The following SBK1 variants were observed in gnomAD, a reference collection of about 807,000 sequenced individuals.
The protein encoded by SBK1 is SH3 domain binding kinase 1, also known as serine/threonine-protein kinase SBK1.
In SBK1, 11 loss-of-function variants were observed where a neutral mutation model predicts 24.4. The observed-to-expected ratio is 0.45, with a 90% CI of 0.28 to 0.75. SBK1 has a LOEUF of 0.75. SBK1 is among the 30% of genes least tolerant of loss of function. The pLI, the probability that SBK1 is intolerant of heterozygous loss-of-function variation, is 0.12. For missense variants in SBK1, 467 were observed against 620.5 expected (o/e 0.75, Z 2.63); for synonymous variants, 308 against 284.4 (o/e 1.08, Z -0.83).
Position 28,322,935 on chromosome 16 carries a change from T to A in SBK1, c.*2014T>A, listed in dbSNP as rs878991996. 7 of 14,008 alleles carry A rather than the reference T, an allele frequency of 5.0e-4. 1 individual carries two copies. Among genetic ancestry groups the A allele is most frequent in the South Asian group, 3.8e-3 (1 of 260 alleles). The allele number at this position is 14,008 out of a possible 1,614,324, so 0.9% of individuals were successfully genotyped here. On this transcript the variant is annotated 3_prime_UTR_variant, in exon 4 of 4. Coordinates refer to ENST00000341901, the MANE Select transcript of SBK1 (RefSeq NM_001024401.3). The stretch of plus-strand genomic sequence containing the variant: ...CTCGCGCGCGCTCTCTCTCTCCCTC[T>A]CTCTCTCTCTCTCTCTCTCTCTCTC...
chr16:28,279,348 A>G (rs935693616), intron 1 of SBK1, among the ~76,000 whole-genome samples: 7 of 143,262 alleles, frequency 4.9e-5, no homozygotes, highest in Admixed American at 2.8e-4. Context: ...GCAGTGAGGT[A>G]TGATTGCACC....
chr16:28,263,074 C>T (rs1051790768), intron 1 of SBK1, among the ~76,000 whole-genome samples: 2 of 152,170 alleles, frequency 1.3e-5, no homozygotes, highest in African/African-American at 4.8e-5. Flanking sequence ...TTTACTTCTG[C>T]CCACATGCAT....
At chr16:28,309,900 G>A (rs760575719) in intron 1 of SBK1, among the ~76,000 whole-genome samples, 12 of 152,176 alleles carry the variant, frequency 7.9e-5, no homozygotes, top group East Asian at 3.8e-4. Context: ...TTGTGCATCC[G>A]TGTGTGTGTT....
chr16:28,273,884 G>A (rs906825526), intron 1 of SBK1, among the ~76,000 whole-genome samples: 2 of 152,204 alleles, frequency 1.3e-5, no homozygotes, highest in Non-Finnish European at 2.9e-5. Flanking sequence ...GGAACATTCA[G>A]TGATAAAATG....
At chr16:28,282,455 C>T (rs570117292) in intron 1 of SBK1, among the ~76,000 whole-genome samples, 1 of 152,132 alleles carries the variant, frequency 6.6e-6, no homozygotes, top group African/African-American at 2.4e-5. Context: ...GGGAAGCCCC[C>T]GAACTTTGTG....
chr16:28,296,394 C>T (rs1421986356), intron 1 of SBK1, among the ~76,000 whole-genome samples: 1 of 151,976 alleles, frequency 6.6e-6, no homozygotes, highest in African/African-American at 2.4e-5. Flanking sequence ...CACCCGGCCA[C>T]ACCCAACTAA....
At chr16:28,269,042 T>C (rs928730392) in intron 1 of SBK1, among the ~76,000 whole-genome samples, 2 of 150,566 alleles carry the variant, frequency 1.3e-5, no homozygotes, top group South Asian at 2.1e-4. Flanking sequence ...CTTTTTTTTT[T>C]TTTTTTTTTG....
intron 1 of SBK1, among the ~76,000 whole-genome samples, chr16:28,282,626 G>GTGAATGAATGAATGAA (rs774095552): frequency 0.26 from 39,428 of 149,908 alleles, 5,449 homozygotes; most frequent in African/African-American, 0.32. Flanking sequence ...GGGAACAAGT[G>GTGAATGAATGAATGAA]TGAATGAATG....
intron 1 of SBK1, among the ~76,000 whole-genome samples, chr16:28,268,423 G>GTTT (rs561869982): frequency 2.1e-5 from 3 of 139,934 alleles, no homozygotes; most frequent in African/African-American, 7.9e-5. Context: ...TTAAAAATGG[G>GTTT]TTTTTTTTTT....
At chr16:28,280,133 A>ATGTG (rs1278069078) in intron 1 of SBK1, among the ~76,000 whole-genome samples, 1 of 60,642 alleles carries the variant, frequency 1.6e-5, no homozygotes, top group Admixed American at 2.1e-4. Context: ...ATATATATAT[A>ATGTG]TATATATATA....
In SBK1 at chr16:28,272,619, C is replaced by CTTTTTTTTTTTTT. The variant is rs71140961; in HGVS notation, c.257+13125_257+13137dup. 9.5e-4 allele frequency among the ~76,000 whole-genome samples: 101 copies of CTTTTTTTTTTTTT among 105,974 alleles called. 1 individual carries two copies. The highest frequency in any genetic ancestry group is 1.5e-3 in the Non-Finnish European group (78 of 52,392). 69.5% of individuals were successfully genotyped at this position (105,974 alleles called of 152,430 possible). A position where few individuals can be genotyped will look rare whatever the true frequency, so the allele number is the denominator to read the frequency against. ...ATTTTTTTTCTTTCTTTCTTTCTTT[C>CTTTTTTTTTTTTT]TTTTTTTTTTTTTTTTTTTTGAGAC... On this transcript the variant is annotated intron_variant, in intron 1 of 3. Transcript: ENST00000671413.
intron 1 of SBK1, among the ~76,000 whole-genome samples, chr16:28,260,868 C>T (rs1022716348): frequency 1.3e-5 from 2 of 152,160 alleles, no homozygotes; most frequent in African/African-American, 4.8e-5. Context: ...AAACAGACCA[C>T]CTCTGCCCAC....
chr16:28,282,924 T>C (rs943515073), intron 1 of SBK1, among the ~76,000 whole-genome samples: 3 of 151,802 alleles, frequency 2.0e-5, no homozygotes, highest in Admixed American at 6.6e-5. Context: ...TATTTATTTA[T>C]TTATTTGTTT....
chr16:28,298,028 C>G (rs1240725702), intron 1 of SBK1, among the ~76,000 whole-genome samples: 2 of 152,180 alleles, frequency 1.3e-5, no homozygotes, highest in Non-Finnish European at 2.9e-5. Context: ...CGCCTGCTGC[C>G]TTCTGCTGGA....
chr16:28,288,496 G>A (rs763511903), upstream of SBK1, among the ~76,000 whole-genome samples: 14 of 152,130 alleles, frequency 9.2e-5, no homozygotes, highest in African/African-American at 2.4e-4. Context: ...TAGAGCCCCC[G>A]CCTCCTTGCT....
chr16:28,275,230 T>A (rs965058235), intron 1 of SBK1, among the ~76,000 whole-genome samples: 5 of 151,998 alleles, frequency 3.3e-5, no homozygotes, highest in Admixed American at 2.0e-4. Context: ...CACAGGAGGC[T>A]GAGGCGGGAG....
chr16:28,311,518 C>T (rs1028871223), intron 1 of SBK1, among the ~76,000 whole-genome samples: 1 of 151,788 alleles, frequency 6.6e-6, no homozygotes, highest in Non-Finnish European at 1.5e-5. Flanking sequence ...GGCAACATAG[C>T]GAGACCCCAT....
intron 1 of SBK1, among the ~76,000 whole-genome samples, chr16:28,281,872 G>A (rs2044535067): frequency 6.6e-6 from 1 of 152,164 alleles, no homozygotes; most frequent in African/African-American, 2.4e-5. Flanking sequence ...GCTCTGGGGG[G>A]TGGCACAAAT....
At chr16:28,296,555 A>G (rs148083153) in intron 1 of SBK1, among the ~76,000 whole-genome samples, 3,465 of 152,164 alleles carry the variant, frequency 0.023, 55 homozygotes, top group African/African-American at 0.028. Context: ...TCGGTGGGCA[A>G]CCTTCGTCTG....
Sources: allele counts gnomAD v4.1 joint callset (sites outside exome capture counted in the v4.1 genomes callset), GRCh38; gene constraint gnomAD v4.1.1; transcripts MANE v1.5; gene names NCBI Gene and HGNC (gene_info 2026-07-23, HGNC 2026-07-21).